MTMR10: variants seen among roughly 807,000 people sequenced by gnomAD.
MTMR10 encodes myotubularin related protein 10.
Under a neutral mutation model 88.1 loss-of-function variants are expected in MTMR10, and 56 were observed. The ratio of observed to expected loss-of-function variants is 0.64; its 90% CI spans 0.51 to 0.79. The LOEUF is 0.79. Ranked by LOEUF, MTMR10 falls within the 30% of genes least tolerant of loss-of-function variation. The pLI is 0.00. For missense variants in MTMR10, 883 were observed against 924.7 expected (o/e 0.95, Z 0.58); for synonymous variants, 380 against 340.9 (o/e 1.11, Z -1.26).
At chr15:30,956,671 T>C (rs967789854) in intron 9 of MTMR10, among the ~76,000 whole-genome samples, 2 of 151,954 alleles carry the variant, frequency 1.3e-5, no homozygotes, top group Non-Finnish European at 2.9e-5. Context: ...GGAGACGAGG[T>C]TGGACAAAAA....
the MTMR10 span, chr15:30,925,396 C>A: frequency 9.0e-7 from 1 of 1,111,966 alleles, no homozygotes; most frequent in Non-Finnish European, 1.3e-6. Flanking sequence ...TTCTTTTAGA[C>A]TCGGAATAAT....
chr15:30,942,464 G>A (rs1174472561), intron 15 of MTMR10: 3 of 259,854 alleles, frequency 1.2e-5, no homozygotes, highest in South Asian at 1.0e-4. Flanking sequence ...TCAGTAGTCT[G>A]CAAATTTTCT....
At chr15:30,930,756 C>A in the MTMR10 span, 1 of 1,516,908 alleles carries the variant, frequency 6.6e-7, no homozygotes, top group Non-Finnish European at 9.1e-7. Flanking sequence ...TCTTGAGTGG[C>A]TGTTGGCAAG....
chr15:30,936,599 C>A (rs1416291061), downstream of MTMR10, among the ~76,000 whole-genome samples: 2 of 152,210 alleles, frequency 1.3e-5, no homozygotes, highest in Non-Finnish European at 2.9e-5. Context: ...CATACAGACG[C>A]TTCTCAACTT....
chr15:30,919,689 G>C, the MTMR10 span, among the ~76,000 whole-genome samples: 2 of 137,800 alleles, frequency 1.5e-5, no homozygotes, highest in Non-Finnish European at 3.1e-5. Flanking sequence ...ACTCTGTCTC[G>C]GGGAAAAAAA....
the MTMR10 span, among the ~76,000 whole-genome samples, chr15:30,931,420 T>A: frequency 6.6e-6 from 1 of 152,172 alleles, no homozygotes; most frequent in Non-Finnish European, 1.5e-5. Flanking sequence ...AGAGCAGAGG[T>A]TTCAAAGTTT....
At position 30,974,397 on chromosome 15, in the gene MTMR10, G is replaced by T; in HGVS notation, c.391C>A (p.Pro131Thr). The T allele has an allele frequency of 6.2e-7, 1 of 1,606,220 alleles. No individual in the cohort carries two copies. Among genetic ancestry groups the T allele is most frequent in the Non-Finnish European group, 8.5e-7 (1 of 1,175,262 alleles). The change falls in exon 5 of 16, where the codon CCA becomes ACA. Residue 131 changes from proline (P) to threonine (T), a missense_variant. By Grantham distance (38) the Pro-to-Thr change is conservative. This residue lies in a region of MTMR10 where 414 missense variants were observed against 423.2 expected (regional missense o/e 0.98). Coordinates refer to ENST00000435680, the MANE Select transcript of MTMR10 (RefSeq NM_017762.3). Reference sequence around the variant, plus strand: ...TTACAATAAATAATTAACTCTGTTGGATTAAATTTCAGTTTCTGGTTGGGG... The same window carrying T: ...TTACAATAAATAATTAACTCTGTTGTATTAAATTTCAGTTTCTGGTTGGGG... The part of the protein sequence containing the change: ...LGPNQKLKFN[P>T]TELIIYCKDF...
At chr15:30,982,910 G>A (rs2030678378) in intron 2 of MTMR10, among the ~76,000 whole-genome samples, 1 of 152,164 alleles carries the variant, frequency 6.6e-6, no homozygotes, top group Non-Finnish European at 1.5e-5. Context: ...TATACACAGG[G>A]AAGAAAAAGA....
chr15:30,927,922 G>T, the MTMR10 span: 8 of 985,724 alleles, frequency 8.1e-6, no homozygotes, highest in Non-Finnish European at 9.6e-6. Flanking sequence ...CTCCCAGTCA[G>T]TAAAACATTT....
Position 30,961,018 on chromosome 15 carries a change from ACCTCCT to A in MTMR10, c.615_620del (p.Gly206_Gly207del), listed in dbSNP as rs754775618. 5.1e-6 allele frequency: 8 copies of A among 1,563,774 alleles called. No individual in the cohort carries two copies. The highest frequency in any genetic ancestry group is 4.7e-5 in the South Asian group (4 of 85,072). ...GGCTGCTGCCACCACCAGCTCCATTACCTCCTCCTCCTCCTCCTCCTCCATCTCCTG... is the reference window on the plus strand; with the variant it reads ...GGCTGCTGCCACCACCAGCTCCATTACCTCCTCCTCCTCCTCCATCTCCTG... On this transcript the variant is annotated inframe_deletion, in exon 7 of 16. Coordinates refer to ENST00000435680, the MANE Select transcript of MTMR10 (RefSeq NM_017762.3).
At position 30,974,905 on chromosome 15, in the gene MTMR10, T is replaced by TA. The variant is rs1491337467; in HGVS notation, c.331+25dup. 9 of 1,394,542 alleles carry TA rather than the reference T, an allele frequency of 6.5e-6. No homozygotes were observed. The East Asian group carries it at 1.6e-4, about 25-fold the overall frequency. The allele number at this position is 1,394,542 out of a possible 1,614,324, so 86.4% of individuals were successfully genotyped here. A position where few individuals can be genotyped will look rare whatever the true frequency, so the allele number is the denominator to read the frequency against. On this transcript the variant is annotated intron_variant, in intron 4 of 15. Transcript: ENST00000435680. The stretch of plus-strand genomic sequence containing the variant: ...ATACTTCCAGAGTGGAATTGACTTT[T>TA]AGAGTATGTACGGAATACTACGTAC...
intron 11 of MTMR10, among the ~76,000 whole-genome samples, chr15:30,953,122 A>G (rs2063273873): frequency 6.6e-6 from 1 of 152,176 alleles, no homozygotes; most frequent in South Asian, 2.1e-4. Flanking sequence ...GGAAATTCAT[A>G]AACCCTTTAT....
chr15:30,953,512 G>C, intron 11 of MTMR10, 50 bp downstream of exon 11: 1 of 1,395,538 alleles, frequency 7.2e-7, no homozygotes, highest in Admixed American at 2.2e-5. Flanking sequence ...TGAGTCTGTA[G>C]TTATCTCAAA....
rs772153032 is a variant in MTMR10 at position 30,942,086 on chromosome 15, A to AT, written c.1732-15dup. Reference sequence around the variant, plus strand: ...GCTGTAGCTTTTCTATACAGAAGAGATTTTATTATGTTCCGGGGATTCCCT... The same window carrying AT: ...GCTGTAGCTTTTCTATACAGAAGAGATTTTTATTATGTTCCGGGGATTCCCT... On this transcript the variant is annotated splice_polypyrimidine_tract_variant and intron_variant, in intron 15 of 15. Transcript: ENST00000435680. 1 of 1,603,520 alleles carries AT rather than the reference A, an allele frequency of 6.2e-7. No individual in the cohort carries two copies. The highest frequency in any genetic ancestry group is 8.5e-7 in the Non-Finnish European group (1 of 1,173,444).
In MTMR10 at chr15:30,954,866, G is replaced by A; in HGVS notation, c.963C>T (p.His321=). The change falls in exon 10 of 16, where the codon CAC becomes CAT. Residue 321 remains histidine (H), a synonymous_variant. Coordinates refer to ENST00000435680, the MANE Select transcript of MTMR10 (RefSeq NM_017762.3). ...ATTTGTAAACATCACTTCTCTGTGGGTGACTTTTAGTTATTGCATTACAAA... is the reference window on the plus strand; with the variant it reads ...ATTTGTAAACATCACTTCTCTGTGGATGACTTTTAGTTATTGCATTACAAA... ...QRICNAITKS[H]PQRSDVYKSD... 6.4e-7 allele frequency: 1 copy of A among 1,559,326 alleles called. No homozygotes were observed. The highest frequency in any genetic ancestry group is 8.7e-7 in the Non-Finnish European group (1 of 1,150,894).
intron 6 of MTMR10, among the ~76,000 whole-genome samples, chr15:30,963,458 G>A (rs1263751667): frequency 6.6e-6 from 1 of 151,638 alleles, no homozygotes. Flanking sequence ...GTGAAACCCT[G>A]TCTCTATTAA....
rs61503155 is a variant in MTMR10, at chr15:30,968,534, AACACACACACACAC to A, written c.475-538_475-525del. Among the ~76,000 whole-genome samples the A allele has an allele frequency of 2.2e-3, 317 of 143,000 alleles. 1 individual carries two copies. Among genetic ancestry groups the A allele is most frequent in the African/African-American group, 5.1e-3 (190 of 37,488 alleles). The allele number at this position is 143,000 out of a possible 152,430, so 93.8% of individuals were successfully genotyped here. The stretch of plus-strand genomic sequence containing the variant: ...GCTCAAAGAGGTACATCAAAAAAAC[AACACACACACACAC>A]ACACACACACACACACACACACACA... On this transcript the variant is annotated intron_variant, in intron 5 of 15. Coordinates refer to ENST00000435680, the MANE Select transcript of MTMR10 (RefSeq NM_017762.3).
chr15:30,956,471 G>A (rs1011997651), intron 9 of MTMR10: 6 of 152,226 alleles, frequency 3.9e-5, no homozygotes, highest in Non-Finnish European at 8.8e-5. Flanking sequence ...GTGAAAAACA[G>A]CTGCTCTGTG....
intron 12 of MTMR10, among the ~76,000 whole-genome samples, chr15:30,950,683 A>G (rs2063231990): frequency 6.6e-6 from 1 of 151,588 alleles, no homozygotes; most frequent in African/African-American, 2.4e-5. Flanking sequence ...AAAAAAAAAA[A>G]GTACTTCTGC....
Sources: gnomAD v4.1 joint callset for allele counts (sites outside exome capture counted in the v4.1 genomes callset) on GRCh38, gnomAD v4.1.1 for gene constraint, gnomAD v4.1.1 regional missense constraint, MANE v1.5 for transcripts, NCBI Gene and HGNC (gene_info 2026-07-23, HGNC 2026-07-21) for gene names.